IMPG2: variants seen among roughly 807,000 people sequenced by gnomAD.
IMPG2 encodes IPM 200.
IMPG2 carries 91 observed loss-of-function variants against 129.2 expected under a neutral mutation model. The observed-to-expected ratio is 0.70, with a 90% CI of 0.59 to 0.84. The LOEUF (loss-of-function observed/expected upper bound fraction) is 0.84, where lower values mean the gene tolerates loss of function less well. Among genes scored for constraint, IMPG2 ranks in the 40% least tolerant of loss-of-function variants. IMPG2 has a pLI of 0.00. For missense variants in IMPG2, 1,430 were observed against 1,461.7 expected (o/e 0.98, Z 0.35); for synonymous variants, 510 against 517.7 (o/e 0.99, Z 0.20).
At chr3:101,298,250 T>C (rs952424370) in intron 3 of IMPG2, among the ~76,000 whole-genome samples, 11 of 152,152 alleles carry the variant, frequency 7.2e-5, no homozygotes, top group African/African-American at 2.7e-4. Flanking sequence ...TCCATTTGCT[T>C]GGTAAATTTT....
intron 4 of IMPG2, among the ~76,000 whole-genome samples, 156 bp from the exon 5 acceptor site, chr3:101,276,869 C>T (rs1457188802): frequency 6.6e-6 from 1 of 152,040 alleles, no homozygotes; most frequent in Non-Finnish European, 1.5e-5. Context: ...AAAATTAAAA[C>T]TTCATAATTC....
chr3:101,266,917 T>C (rs989013394), intron 9 of IMPG2, among the ~76,000 whole-genome samples: 1 of 152,214 alleles, frequency 6.6e-6, no homozygotes, highest in African/African-American at 2.4e-5. Flanking sequence ...TCACTGCACA[T>C]TGTCCTTGTT....
chr3:101,316,658 G>A (rs2058786923), intron 2 of IMPG2, among the ~76,000 whole-genome samples: 1 of 152,038 alleles, frequency 6.6e-6, no homozygotes, highest in Non-Finnish European at 1.5e-5. Flanking sequence ...CACTGTTGGT[G>A]ATACAGTCAT....
At chr3:101,286,394 C>A (rs513994) in intron 4 of IMPG2, among the ~76,000 whole-genome samples, 1 of 151,958 alleles carries the variant, frequency 6.6e-6, no homozygotes, top group African/African-American at 2.4e-5. Context: ...CCCAGATTTA[C>A]AGTGAAATGG....
rs544842795 is a variant in IMPG2, at chr3:101,224,053, G to A, written c.*2916C>T. On this transcript the variant is annotated 3_prime_UTR_variant, in exon 19 of 19. Transcript: ENST00000193391. ...CCAGCTACTCAGGAAGCTGAAGCAC[G>A]AGAATCGCTTGAACCCAGGAGGCAG... 2.6e-5 allele frequency: 4 copies of A among 152,322 alleles called. No homozygotes were observed. The highest frequency in any genetic ancestry group is 6.5e-5 in the Admixed American group (1 of 15,292). 9.4% of individuals were successfully genotyped at this position (152,322 alleles called of 1,614,324 possible). A position where few individuals can be genotyped will look rare whatever the true frequency, so the allele number is the denominator to read the frequency against.
At position 101,320,553 on chromosome 3, in the gene IMPG2, A is replaced by G. The variant is rs558706693; in HGVS notation, c.-181T>C. On this transcript the variant is annotated 5_prime_UTR_variant, in exon 1 of 19. Coordinates refer to ENST00000193391, the MANE Select transcript of IMPG2 (RefSeq NM_016247.4). ...CGGAAAGAAAAATGGTTGTCCTTTC[A>G]AAGTAGCTCTCACTTCTTTTCTGAA... is the stretch of plus-strand genomic sequence containing the variant. 9.8e-5 allele frequency: 58 copies of G among 594,336 alleles called. No individual in the cohort carries two copies. In the East Asian group the frequency reaches 1.6e-3, roughly 16 times the overall value. 36.8% of individuals were successfully genotyped at this position (594,336 alleles called of 1,614,324 possible).
intron 14 of IMPG2, among the ~76,000 whole-genome samples, chr3:101,237,752 T>C (rs1426740483): frequency 6.6e-6 from 1 of 151,934 alleles, no homozygotes; most frequent in African/African-American, 2.4e-5. Context: ...AATAAATCCC[T>C]GAAGATGAGG....
intron 2 of IMPG2, among the ~76,000 whole-genome samples, chr3:101,316,425 C>T (rs1361771595): frequency 1.3e-5 from 2 of 151,772 alleles, no homozygotes; most frequent in Admixed American, 1.3e-4. Context: ...ACAAGCAACC[C>T]ATTTTTTAAT....
intron 3 of IMPG2, among the ~76,000 whole-genome samples, chr3:101,298,320 A>G (rs115634974): frequency 0.026 from 4,029 of 152,114 alleles, 130 homozygotes; most frequent in South Asian, 0.13. Flanking sequence ...TCCTGAATAC[A>G]GGACACCAGT....
Position 101,243,592 on chromosome 3 carries a change from T to A in IMPG2, c.2739A>T (p.Ser913=). Residue 913 remains serine (S), a synonymous_variant, in exon 13 of 19, where the codon TCA becomes TCT. Transcript: ENST00000193391. ...FSLRVTNMMF[S]EDLFNKNSLE... ...AGGAGTTTTTATTAAACAGATCTTC[T>A]GAAAACATCATGTTAGTCACTCGGA... 6.2e-7 allele frequency: 1 copy of A among 1,613,898 alleles called. No homozygotes were observed. The highest frequency in any genetic ancestry group is 8.5e-7 in the Non-Finnish European group (1 of 1,179,924).
chr3:101,230,880 T>C (rs2107205587), intron 16 of IMPG2, 77 bp downstream of exon 16: 1 of 1,334,140 alleles, frequency 7.5e-7, no homozygotes, highest in Middle Eastern at 2.4e-4. Context: ...TTGTCCAATA[T>C]TTGGCACCTG....
rs1706273161 is a variant in IMPG2, at chr3:101,230,439, G to A, written c.3422+518C>T. ...ATTACCACTAGCTTGAGCCAAAGAG[G>A]AGCAAGTTGTAACAGATCTGGTCCT... On this transcript the variant is annotated intron_variant, in intron 16 of 18. Transcript: ENST00000193391. Among the ~76,000 whole-genome samples, 5 of 152,160 alleles carry A rather than the reference G, an allele frequency of 3.3e-5. No individual in the cohort carries two copies. The South Asian group carries it at 6.2e-4, about 19-fold the overall frequency.
chr3:101,255,965 C>T (rs1465324757), intron 10 of IMPG2, among the ~76,000 whole-genome samples: 1 of 150,774 alleles, frequency 6.6e-6, no homozygotes, highest in African/African-American at 2.4e-5. Flanking sequence ...ACTTTGTGAC[C>T]CTGTCTCAGC....
intron 8 of IMPG2, among the ~76,000 whole-genome samples, chr3:101,268,829 A>G (rs1174477053): frequency 1.3e-5 from 2 of 152,128 alleles, no homozygotes; most frequent in African/African-American, 4.8e-5. Context: ...GCTCTGTTTC[A>G]AAATTCCTCC....
At chr3:101,319,539 G>A (rs2058800759) in intron 2 of IMPG2, 45 bp downstream of exon 2, 1 of 1,607,788 alleles carries the variant, frequency 6.2e-7, no homozygotes, top group East Asian at 2.2e-5. Flanking sequence ...ATTAAACTAT[G>A]TTTGAATTTC....
At chr3:101,294,654 T>G (rs941648633) in intron 3 of IMPG2, among the ~76,000 whole-genome samples, 1 of 152,224 alleles carries the variant, frequency 6.6e-6, no homozygotes, top group Non-Finnish European at 1.5e-5. Context: ...TCTAGACCCT[T>G]GAGGAATCAC....
chr3:101,279,544 G>A (rs1171347006), intron 4 of IMPG2, among the ~76,000 whole-genome samples: 2 of 152,164 alleles, frequency 1.3e-5, no homozygotes, highest in Non-Finnish European at 2.9e-5. Context: ...CCCAGAAAGA[G>A]GAAGGGGAAC....
At chr3:101,293,912 A>G (rs1054279957) in intron 3 of IMPG2, among the ~76,000 whole-genome samples, 9 of 152,166 alleles carry the variant, frequency 5.9e-5, no homozygotes, top group Non-Finnish European at 1.2e-4. Flanking sequence ...AATTGAAAAG[A>G]GTGAAGCCTT....
At chr3:101,305,227 G>T (rs952457084) in intron 2 of IMPG2, among the ~76,000 whole-genome samples, 1 of 152,064 alleles carries the variant, frequency 6.6e-6, no homozygotes, top group Non-Finnish European at 1.5e-5. Context: ...CTAAGTAGAG[G>T]AAGCCAATCT....
Sources: gnomAD v4.1 joint callset for allele counts (sites outside exome capture counted in the v4.1 genomes callset) on GRCh38, gnomAD v4.1.1 for gene constraint, MANE v1.5 for transcripts, NCBI Gene and HGNC (gene_info 2026-07-23, HGNC 2026-07-21) for gene names.